YWHAB: variants seen among roughly 807,000 people sequenced by gnomAD.
YWHAB encodes tyrosine 3-monooxygenase/tryptophan 5-monooxygenase activation protein beta.
A neutral mutation model predicts 28.5 loss-of-function variants in YWHAB; 2 were observed. The observed-to-expected ratio is 0.07, with a 90% CI of 0.03 to 0.22. The LOEUF (loss-of-function observed/expected upper bound fraction) is 0.22. Ranked by LOEUF, YWHAB falls within the 10% of genes least tolerant of loss-of-function variation. YWHAB has a pLI of 1.00. For missense variants in YWHAB, 148 were observed against 297.1 expected (o/e 0.50, Z 3.69); for synonymous variants, 103 against 104.7 (o/e 0.98, Z 0.10).
intron 1 of YWHAB, among the ~76,000 whole-genome samples, chr20:44,891,236 T>C (rs961422972): frequency 1.3e-5 from 2 of 152,078 alleles, no homozygotes; most frequent in East Asian, 3.9e-4. Flanking sequence ...CCCAATTAGC[T>C]GGGATTACAG....
At chr20:44,886,101 G>T (rs540578344) in intron 1 of YWHAB, 4 of 152,352 alleles carry the variant, frequency 2.6e-5, no homozygotes, top group African/African-American at 9.6e-5. Flanking sequence ...GAGAGGCTCG[G>T]GCCGCCTGAG....
chr20:44,900,469 T>C (rs2066620011), intron 1 of YWHAB, among the ~76,000 whole-genome samples: 2 of 152,220 alleles, frequency 1.3e-5, no homozygotes, highest in Admixed American at 6.5e-5. Flanking sequence ...CTGTGCAGTG[T>C]GTCCTAGTAA....
intron 1 of YWHAB, among the ~76,000 whole-genome samples, chr20:44,890,251 T>A (rs1345530954): frequency 6.6e-6 from 1 of 152,226 alleles, no homozygotes; most frequent in Non-Finnish European, 1.5e-5. Flanking sequence ...GATTGGTAGC[T>A]GAAAAATATT....
At chr20:44,903,901 T>A (rs2066641257) in intron 2 of YWHAB, 92 bp from the exon 3 acceptor site, 16 of 1,434,686 alleles carry the variant, frequency 1.1e-5, no homozygotes, top group Non-Finnish European at 1.4e-5. Flanking sequence ...TCCAAAAAAT[T>A]ATTTAGAAGC....
intron 1 of YWHAB, chr20:44,886,087 C>G (rs2066525222): frequency 6.6e-6 from 1 of 152,254 alleles, no homozygotes; most frequent in Non-Finnish European, 1.5e-5. Flanking sequence ...CCCTTTACCT[C>G]TTGGAGAGGC....
At position 44,906,540 on chromosome 20, in the gene YWHAB, T is replaced by G; in HGVS notation, c.*102T>G. 1.8e-6 allele frequency: 2 copies of G among 1,086,718 alleles called. No homozygotes were observed. The highest frequency in any genetic ancestry group is 2.5e-6 in the Non-Finnish European group (2 of 784,654). 67.3% of individuals were successfully genotyped at this position (1,086,718 alleles called of 1,614,324 possible). A position where few individuals can be genotyped will look rare whatever the true frequency, so the allele number is the denominator to read the frequency against. ...AAAAAAAAAAAAAGAGAATCGTACG[T>G]CGACTTTCGATTTTTCACAGCCTCA... On this transcript the variant is annotated 3_prime_UTR_variant, in exon 6 of 6. Transcript: ENST00000353703.
rs1291269594 is a variant in YWHAB at position 44,906,174 on chromosome 20, G to T, written c.684+78G>T. On this transcript the variant is annotated intron_variant, in intron 5 of 5. Transcript: ENST00000353703. ...TAATTCACTGTTATCTTCAAGAGGGGATTTGTACCATTAAATGTAGTTACA... is the reference window on the plus strand; with the variant it reads ...TAATTCACTGTTATCTTCAAGAGGGTATTTGTACCATTAAATGTAGTTACA... The T allele has an allele frequency of 3.1e-6, 4 of 1,283,120 alleles. No individual in the cohort carries two copies. The Admixed American group carries it at 5.9e-5, about 19-fold the overall frequency. 79.5% of individuals were successfully genotyped at this position (1,283,120 alleles called of 1,614,324 possible).
At chr20:44,892,964 C>T (rs757617110) in intron 1 of YWHAB, among the ~76,000 whole-genome samples, 30 of 152,150 alleles carry the variant, frequency 2.0e-4, no homozygotes, top group Non-Finnish European at 1.8e-4. Context: ...ATTTTCGAAT[C>T]GAGCATGTTC....
chr20:44,902,219 G>A (rs1330184621), intron 2 of YWHAB: 1 of 160,856 alleles, frequency 6.2e-6, no homozygotes, highest in East Asian at 1.8e-4. Context: ...TGAAAAAGCT[G>A]AGCTGCCTTT....
At chr20:44,896,690 A>C (rs1244455084) in intron 1 of YWHAB, among the ~76,000 whole-genome samples, 1 of 152,254 alleles carries the variant, frequency 6.6e-6, no homozygotes, top group Non-Finnish European at 1.5e-5. Context: ...GACTGAAAGC[A>C]TTGCCACTAG....
Position 44,899,549 on chromosome 20 carries a change from T to A in YWHAB, c.-3-1982T>A, listed in dbSNP as rs7265000. On this transcript the variant is annotated intron_variant, in intron 1 of 5. Coordinates refer to ENST00000353703, the MANE Select transcript of YWHAB (RefSeq NM_139323.4). The stretch of plus-strand genomic sequence containing the variant: ...CTGTTTAAAGTAGCATTTCATGTTT[T>A]TATAGCTCAGGATATTAGTGTATTT... Among the ~76,000 whole-genome samples the A allele has an allele frequency of 9.6e-3, 1,463 of 152,348 alleles. 6 individuals carry two copies. The highest frequency in any genetic ancestry group is 0.014 in the Non-Finnish European group (969 of 68,020).
At chr20:44,887,304 T>G (rs2066534304) in intron 1 of YWHAB, 1 of 152,252 alleles carries the variant, frequency 6.6e-6, no homozygotes, top group Non-Finnish European at 1.5e-5. Flanking sequence ...AATGGAAGGC[T>G]AATAATCCTG....
intron 1 of YWHAB, among the ~76,000 whole-genome samples, chr20:44,892,843 A>C (rs2066570805): frequency 6.6e-6 from 1 of 152,234 alleles, no homozygotes. Flanking sequence ...GGCTTGCTAA[A>C]AGCAGACCCC....
At chr20:44,905,819 G>A (rs1568637632) in intron 4 of YWHAB, 182 bp from the exon 5 acceptor site, 1 of 527,628 alleles carries the variant, frequency 1.9e-6, no homozygotes, top group East Asian at 2.8e-5. Context: ...ATTGTTGGTT[G>A]GTGCTTTGTA....
At chr20:44,891,967 T>G (rs2066565125) in intron 1 of YWHAB, among the ~76,000 whole-genome samples, 1 of 152,166 alleles carries the variant, frequency 6.6e-6, no homozygotes, top group Admixed American at 6.5e-5. Flanking sequence ...AGTGAGTAGT[T>G]TTCTCTGAGA....
chr20:44,902,348 C>T (rs997964904), intron 2 of YWHAB: 6 of 153,190 alleles, frequency 3.9e-5, no homozygotes, highest in African/African-American at 1.2e-4. Context: ...TGGGCATTCT[C>T]CTCTCCTGTA....
At chr20:44,894,634 G>T (rs1404659151) in intron 1 of YWHAB, among the ~76,000 whole-genome samples, 1 of 152,236 alleles carries the variant, frequency 6.6e-6, no homozygotes, top group Non-Finnish European at 1.5e-5. Context: ...CTGCTACAGT[G>T]TAATAGTCGT....
At chr20:44,899,187 A>G (rs1398722236) in intron 1 of YWHAB, among the ~76,000 whole-genome samples, 2 of 152,090 alleles carry the variant, frequency 1.3e-5, no homozygotes, top group Non-Finnish European at 2.9e-5. Context: ...TTTTGAAAAT[A>G]CTGGCATTGG....
chr20:44,902,012 T>A, intron 2 of YWHAB, 179 bp downstream of exon 2: 1 of 588,652 alleles, frequency 1.7e-6, no homozygotes, highest in South Asian at 4.0e-5. Flanking sequence ...TATTGCCTGA[T>A]CAGAGGTTGT....
Sources: gnomAD v4.1 joint callset for allele counts (sites outside exome capture counted in the v4.1 genomes callset) on GRCh38, gnomAD v4.1.1 for gene constraint, MANE v1.5 for transcripts, NCBI Gene and HGNC (gene_info 2026-07-23, HGNC 2026-07-21) for gene names.